GPC6: variants seen among roughly 807,000 people sequenced by gnomAD.
GPC6 encodes the protein glypican-6.
Under a neutral mutation model 55.2 loss-of-function variants are expected in GPC6, and 14 were observed. The ratio of observed to expected loss-of-function variants is 0.25; its 90% CI spans 0.17 to 0.40. GPC6 has a LOEUF of 0.40. Ranked by LOEUF, GPC6 falls within the 10% of genes least tolerant of loss-of-function variation. The pLI is 1.00. For missense variants in GPC6, 641 were observed against 708.5 expected (o/e 0.90, Z 1.08); for synonymous variants, 278 against 259.6 (o/e 1.07, Z -0.68).
At chr13:93,757,711 G>C (rs1441230178) in intron 2 of GPC6, among the ~76,000 whole-genome samples, 1 of 152,062 alleles carries the variant, frequency 6.6e-6, no homozygotes, top group Admixed American at 6.6e-5. Flanking sequence ...ACCAGTCTAT[G>C]ACCAGCAGTA....
chr13:93,377,957 G>A (rs1213976443), intron 1 of GPC6, among the ~76,000 whole-genome samples: 1 of 152,118 alleles, frequency 6.6e-6, no homozygotes, highest in East Asian at 1.9e-4. Flanking sequence ...TTTTCCTGTG[G>A]AATAACATTT....
At chr13:93,335,098 A>T (rs1215899540) in intron 1 of GPC6, among the ~76,000 whole-genome samples, 1 of 152,138 alleles carries the variant, frequency 6.6e-6, no homozygotes, top group Non-Finnish European at 1.5e-5. Context: ...GTTTATTATC[A>T]CTTCCATTCC....
chr13:93,947,898 A>G (rs1879084745), intron 3 of GPC6, among the ~76,000 whole-genome samples: 1 of 152,134 alleles, frequency 6.6e-6, no homozygotes, highest in South Asian at 2.1e-4. Flanking sequence ...AGCCTCCGTG[A>G]TAGAAGGGCA....
intron 1 of GPC6, among the ~76,000 whole-genome samples, chr13:93,246,708 G>A (rs1876613195): frequency 6.8e-6 from 1 of 146,794 alleles, no homozygotes; most frequent in Non-Finnish European, 1.5e-5. Flanking sequence ...TGAGGCAGGA[G>A]GTGAACCCCA....
In GPC6 at chr13:94,373,715, G is replaced by A. The variant is rs374319467; in HGVS notation, c.1153-8699G>A. ...TTCACATTCAGGAAATACAGAGAAC[G>A]CCACAAAGATACTCCTCGAGAAGAG... On this transcript the variant is annotated intron_variant, in intron 6 of 8. Coordinates refer to ENST00000377047, the MANE Select transcript of GPC6 (RefSeq NM_005708.5). Among the ~76,000 whole-genome samples, 14 of 152,116 alleles carry A rather than the reference G, an allele frequency of 9.2e-5. No homozygotes were observed. In the East Asian group the frequency reaches 2.1e-3, roughly 23 times the overall value.
chr13:94,288,726 A>G (rs978796342), intron 5 of GPC6, among the ~76,000 whole-genome samples: 7 of 135,426 alleles, frequency 5.2e-5, no homozygotes, highest in Non-Finnish European at 1.5e-5. Context: ...TATTTGTTAT[A>G]TATATATAAC....
intron 3 of GPC6, among the ~76,000 whole-genome samples, chr13:93,864,244 CCTTT>C (rs938304524): frequency 9.9e-5 from 15 of 151,756 alleles, no homozygotes; most frequent in Non-Finnish European, 1.9e-4. Flanking sequence ...ATGATAACTG[CCTTT>C]CTCTTTCTTC....
chr13:94,088,230 A>G (rs1459581337), intron 4 of GPC6, among the ~76,000 whole-genome samples: 2 of 152,320 alleles, frequency 1.3e-5, no homozygotes, highest in East Asian at 3.9e-4. Context: ...AACAATGACA[A>G]TGAAAGATAA....
intron 4 of GPC6, among the ~76,000 whole-genome samples, chr13:94,155,479 C>A (rs564831550): frequency 6.6e-6 from 1 of 152,254 alleles, no homozygotes; most frequent in South Asian, 2.1e-4. Flanking sequence ...TGCCTCCAGC[C>A]TTGCCTTCTC....
intron 2 of GPC6, among the ~76,000 whole-genome samples, chr13:93,752,155 C>T (rs1178982268): frequency 6.6e-6 from 1 of 152,094 alleles, no homozygotes; most frequent in Non-Finnish European, 1.5e-5. Context: ...ACCACATAGA[C>T]TGTATAATTT....
chr13:93,425,359 AT>A (rs1877088481), intron 1 of GPC6, among the ~76,000 whole-genome samples: 1 of 152,148 alleles, frequency 6.6e-6, no homozygotes, highest in South Asian at 2.1e-4. Context: ...AATACTTCCT[AT>A]CAATTCTAAA....
At chr13:93,735,839 A>G (rs1054291830) in intron 2 of GPC6, among the ~76,000 whole-genome samples, 2 of 152,194 alleles carry the variant, frequency 1.3e-5, no homozygotes, top group South Asian at 2.1e-4. Context: ...ATCCATTTCT[A>G]TGCTGGATAT....
intron 2 of GPC6, among the ~76,000 whole-genome samples, chr13:93,787,973 G>C (rs1885867640): frequency 1.3e-5 from 2 of 152,114 alleles, no homozygotes. Flanking sequence ...CCAGAGATTA[G>C]GAAATCACTG....
intron 3 of GPC6, among the ~76,000 whole-genome samples, chr13:93,889,288 G>A (rs1875524881): frequency 6.6e-6 from 1 of 152,054 alleles, no homozygotes; most frequent in African/African-American, 2.4e-5. Flanking sequence ...AGGAGGCCTG[G>A]AGGTATATAT....
At chr13:93,896,768 G>A (rs1876036187) in intron 3 of GPC6, among the ~76,000 whole-genome samples, 2 of 151,992 alleles carry the variant, frequency 1.3e-5, no homozygotes, top group Non-Finnish European at 2.9e-5. Context: ...TTCATTTCAT[G>A]TGACTATCAC....
intron 2 of GPC6, among the ~76,000 whole-genome samples, chr13:93,570,490 G>T (rs1379236786): frequency 6.6e-6 from 1 of 152,140 alleles, no homozygotes; most frequent in Non-Finnish European, 1.5e-5. Context: ...TAATGGCCAT[G>T]CCATTCGATG....
At chr13:94,204,675 A>G (rs938298164) in intron 4 of GPC6, among the ~76,000 whole-genome samples, 1 of 152,202 alleles carries the variant, frequency 6.6e-6, no homozygotes, top group East Asian at 1.9e-4. Context: ...TTCTCAGACA[A>G]ATGTGAAATT....
intron 2 of GPC6, among the ~76,000 whole-genome samples, chr13:93,706,577 C>T (rs1882855811): frequency 6.6e-6 from 1 of 151,806 alleles, no homozygotes; most frequent in African/African-American, 2.4e-5. Flanking sequence ...TGAGAGAAAA[C>T]GTAGCTGTAA....
At chr13:93,508,986 C>T (rs1407532936) in intron 1 of GPC6, among the ~76,000 whole-genome samples, 1 of 152,114 alleles carries the variant, frequency 6.6e-6, no homozygotes, top group Non-Finnish European at 1.5e-5. Context: ...TATGGTCGGT[C>T]ACCTGTTGAG....
Sources: gnomAD v4.1 joint callset for allele counts (sites outside exome capture counted in the v4.1 genomes callset) on GRCh38, gnomAD v4.1.1 for gene constraint, MANE v1.5 for transcripts, NCBI Gene and HGNC (gene_info 2026-07-23, HGNC 2026-07-21) for gene names.